SAV1: variants seen among roughly 807,000 people sequenced by gnomAD.
The protein encoded by SAV1 is protein salvador homolog 1.
A neutral mutation model predicts 47.3 loss-of-function variants in SAV1; 23 were observed. That is an observed-to-expected ratio of 0.49 (90% confidence interval 0.35 to 0.69). The LOEUF is 0.69. Among genes scored for constraint, SAV1 ranks in the 30% least tolerant of loss-of-function variants. SAV1 has a pLI of 0.01. For missense variants in SAV1, 448 were observed against 457.4 expected (o/e 0.98, Z 0.19); for synonymous variants, 155 against 159.2 (o/e 0.97, Z 0.20).
chr14:50,640,940 T>G (rs1358054370), intron 3 of SAV1, 47 bp from the exon 4 acceptor site: 2 of 1,518,854 alleles, frequency 1.3e-6, no homozygotes, highest in East Asian at 4.6e-5. Flanking sequence ...TCTTAAAATC[T>G]AAACAAGAAA....
chr14:50,643,130 C>A (rs1428229601), intron 3 of SAV1, among the ~76,000 whole-genome samples: 1 of 152,116 alleles, frequency 6.6e-6, no homozygotes, highest in African/African-American at 2.4e-5. Context: ...TTAAGGGCAG[C>A]GTTTATTCTC....
At chr14:50,655,919 C>T (rs935531332) in intron 2 of SAV1, among the ~76,000 whole-genome samples, 2 of 152,072 alleles carry the variant, frequency 1.3e-5, no homozygotes, top group African/African-American at 4.8e-5. Flanking sequence ...GTGGCATATG[C>T]CTGTAATTCC....
intron 4 of SAV1, among the ~76,000 whole-genome samples, chr14:50,639,327 AT>A (rs961120485): frequency 3.3e-5 from 5 of 150,078 alleles, no homozygotes; most frequent in Non-Finnish European, 5.9e-5. Context: ...AAACATGCAA[AT>A]TTTTTTTGCA....
chr14:50,655,245 A>G (rs1460840131), intron 2 of SAV1, among the ~76,000 whole-genome samples: 2 of 152,342 alleles, frequency 1.3e-5, no homozygotes, highest in Admixed American at 6.5e-5. Context: ...TCATTATGTT[A>G]AAAATGCTTT....
chr14:50,663,888 A>T (rs1401962149), intron 2 of SAV1, among the ~76,000 whole-genome samples: 1 of 152,154 alleles, frequency 6.6e-6, no homozygotes, highest in East Asian at 1.9e-4. Context: ...CTTACATCTT[A>T]TTTCTTCAAA....
chr14:50,667,840 G>A (rs372418452), intron 1 of SAV1, 34 bp downstream of exon 1: 13 of 1,588,098 alleles, frequency 8.2e-6, no homozygotes, highest in Middle Eastern at 1.7e-4. Context: ...TGGCCGCCTG[G>A]GCCAGGTGTG....
At chr14:50,638,457 T>C (rs780892819) in intron 4 of SAV1, among the ~76,000 whole-genome samples, 34 of 152,190 alleles carry the variant, frequency 2.2e-4, no homozygotes, top group Non-Finnish European at 4.7e-4. Flanking sequence ...GCTATAATGC[T>C]ACCAAAAATA....
chr14:50,660,803 T>A (rs190118808), intron 2 of SAV1, among the ~76,000 whole-genome samples: 22 of 152,296 alleles, frequency 1.4e-4, no homozygotes, highest in South Asian at 8.3e-4. Flanking sequence ...GAAATCAATG[T>A]GTTTCGCTCC....
chr14:50,655,521 GT>G (rs1474921676), intron 2 of SAV1, among the ~76,000 whole-genome samples: 1 of 151,286 alleles, frequency 6.6e-6, no homozygotes, highest in Non-Finnish European at 1.5e-5. Context: ...CACCTCTCAG[GT>G]TCAAGCGATT....
intron 2 of SAV1, among the ~76,000 whole-genome samples, chr14:50,656,725 A>G (rs2039815855): frequency 6.6e-6 from 1 of 152,074 alleles, no homozygotes; most frequent in Non-Finnish European, 1.5e-5. Flanking sequence ...TACAGGCGTG[A>G]GCCACCGTGC....
At chr14:50,644,669 G>T in intron 3 of SAV1, 75 bp downstream of exon 3, 1 of 1,360,526 alleles carries the variant, frequency 7.4e-7, no homozygotes. Context: ...TATTCTCTTA[G>T]ATGAAAATAT....
At chr14:50,659,974 CAA>C (rs1281286341) in intron 2 of SAV1, among the ~76,000 whole-genome samples, 1 of 152,246 alleles carries the variant, frequency 6.6e-6, no homozygotes, top group African/African-American at 2.4e-5. Context: ...TCACCTCCTG[CAA>C]ACTCTTCTGC....
chr14:50,661,521 C>T (rs1294485096), intron 2 of SAV1, among the ~76,000 whole-genome samples: 3 of 152,218 alleles, frequency 2.0e-5, no homozygotes, highest in Admixed American at 6.5e-5. Context: ...TTTGTTAGAT[C>T]GATGTCCTGA....
intron 2 of SAV1, among the ~76,000 whole-genome samples, chr14:50,648,950 A>G (rs2039745157): frequency 6.6e-6 from 1 of 152,160 alleles, no homozygotes; most frequent in Non-Finnish European, 1.5e-5. Flanking sequence ...TTACTTGATG[A>G]AAGTTATCTC....
At chr14:50,640,575 T>C (rs1186909780) in intron 4 of SAV1, among the ~76,000 whole-genome samples, 175 bp downstream of exon 4, 1 of 152,242 alleles carries the variant, frequency 6.6e-6, no homozygotes, top group Non-Finnish European at 1.5e-5. Flanking sequence ...ATATTTCTAA[T>C]TAATGATTTT....
At chr14:50,646,853 T>C (rs1323649352) in intron 2 of SAV1, among the ~76,000 whole-genome samples, 1 of 152,140 alleles carries the variant, frequency 6.6e-6, no homozygotes, top group East Asian at 1.9e-4. Flanking sequence ...TTTTAAGGCT[T>C]ACTATAAAGC....
chr14:50,666,472 C>T (rs2140267853), intron 1 of SAV1, among the ~76,000 whole-genome samples: 1 of 152,210 alleles, frequency 6.6e-6, no homozygotes, highest in East Asian at 1.9e-4. Flanking sequence ...ATATTGGAGA[C>T]ACTCATATTA....
At chr14:50,662,631 T>C (rs2039869742) in intron 2 of SAV1, 1 of 152,250 alleles carries the variant, frequency 6.6e-6, no homozygotes, top group Non-Finnish European at 1.5e-5. Flanking sequence ...GATTTAGTTC[T>C]TATAGTATTT....
chr14:50,654,649 T>A (rs2039797305), intron 2 of SAV1, among the ~76,000 whole-genome samples: 1 of 152,162 alleles, frequency 6.6e-6, no homozygotes, highest in Non-Finnish European at 1.5e-5. Flanking sequence ...AACCTTCAAT[T>A]TGTAAAAAAC....
Sources: gnomAD v4.1 joint callset for allele counts (sites outside exome capture counted in the v4.1 genomes callset) on GRCh38, gnomAD v4.1.1 for gene constraint, MANE v1.5 for transcripts, NCBI Gene and HGNC (gene_info 2026-07-23, HGNC 2026-07-21) for gene names.